Variants in SV2B observed in about 807,000 individuals in gnomAD.
SV2B encodes the protein synaptic vesicle glycoprotein 2B.
Under a neutral mutation model 73.9 loss-of-function variants are expected in SV2B, and 41 were observed. That is an observed-to-expected ratio of 0.56 (90% CI 0.43 to 0.72). The LOEUF (loss-of-function observed/expected upper bound fraction) is 0.72. Ranked by LOEUF, SV2B falls within the 30% of genes least tolerant of loss-of-function variation. The pLI, the probability that SV2B is intolerant of heterozygous loss-of-function variation, is 0.00. For missense variants in SV2B, 764 were observed against 857.8 expected (o/e 0.89, Z 1.37); for synonymous variants, 314 against 314.2 (o/e 1.00, Z 0.01).
At chr15:91,174,942 A>G (rs917541477) in intron 1 of SV2B, among the ~76,000 whole-genome samples, 2 of 152,162 alleles carry the variant, frequency 1.3e-5, no homozygotes, top group Non-Finnish European at 2.9e-5. Context: ...CATAGAAGAG[A>G]TGCCAAGGGG....
rs1471635342 is a variant in SV2B at position 91,100,585 on chromosome 15, G to A, written c.-392+222G>A. ...CCTGGAGCTGTGCGCTTCTTTGAAA[G>A]CGGCCTCCCCAAGGGCTGTTTTAAA... is the stretch of plus-strand genomic sequence containing the variant. On this transcript the variant is annotated intron_variant, in intron 1 of 12. Coordinates refer to ENST00000394232, the MANE Select transcript of SV2B (RefSeq NM_001323032.3). The surrounding 1 kb of genome is among the most constrained non-coding windows in gnomAD (Gnocchi z 6.4). Among the ~76,000 whole-genome samples, 3 of 152,258 alleles carry A rather than the reference G, an allele frequency of 2.0e-5. No homozygotes were observed. The highest frequency in any genetic ancestry group is 2.0e-4 in the Admixed American group (3 of 15,290).
chr15:91,230,470 G>C (rs2046534628), intron 2 of SV2B, among the ~76,000 whole-genome samples: 1 of 152,084 alleles, frequency 6.6e-6, no homozygotes, highest in African/African-American at 2.4e-5. Context: ...AAAAATATCT[G>C]GGTGCTGCTG....
Position 91,268,560 on chromosome 15 carries a change from C to G in SV2B, c.1328C>G (p.Thr443Arg). The change falls in exon 9 of 13, where the codon ACG becomes AGG. Residue 443 changes from threonine to arginine, a missense_variant. By Grantham distance (71) the Thr-to-Arg change is moderately conservative (BLOSUM62 -1). Coordinates refer to ENST00000394232, the MANE Select transcript of SV2B (RefSeq NM_001323032.3). This position sits in a 1 kb window ranked among gnomAD's most constrained non-coding sequence, Gnocchi z 4.4. ...GTGTACGGCGCCACAATCAACTTCA[C>G]GATGGAAAATCAGATCCACCAACAT... ...EHVYGATINF[T>R]MENQIHQHGK... 6.2e-7 allele frequency: 1 copy of G among 1,613,602 alleles called. No individual in the cohort carries two copies. The highest frequency in any genetic ancestry group is 8.5e-7 in the Non-Finnish European group (1 of 1,179,606).
intron 1 of SV2B, among the ~76,000 whole-genome samples, chr15:91,213,889 G>A (rs1307095865): frequency 3.9e-5 from 6 of 152,164 alleles, no homozygotes; most frequent in Non-Finnish European, 5.9e-5. Flanking sequence ...CAAGGAAGTG[G>A]TAGAGCTGTG....
chr15:91,298,651 C>T lies in SV2B; in HGVS notation c.*6099C>T, dbSNP rs1463304545. On this transcript the variant is annotated 3_prime_UTR_variant, in exon 13 of 13. Transcript: ENST00000394232. The surrounding 1 kb of genome is among the most constrained non-coding windows in gnomAD (Gnocchi z 5.4). ...GGAGCACAAGGATTTACTGTCATTT[C>T]ACCTGAAAACACACATTTAGCTGTC... 2 of 152,204 alleles carry T rather than the reference C, an allele frequency of 1.3e-5. No homozygotes were observed. Among genetic ancestry groups the T allele is most frequent in the Admixed American group, 1.3e-4 (2 of 15,276 alleles). 9.4% of individuals were successfully genotyped at this position (152,204 alleles called of 1,614,324 possible).
intron 1 of SV2B, among the ~76,000 whole-genome samples, chr15:91,165,377 G>C (rs990524336): frequency 6.6e-6 from 1 of 152,120 alleles, no homozygotes; most frequent in South Asian, 2.1e-4. Flanking sequence ...AGTATTGAAC[G>C]TGTACAGGCT....
intron 9 of SV2B, among the ~76,000 whole-genome samples, chr15:91,277,774 T>C (rs1448418116): frequency 3.3e-5 from 5 of 152,250 alleles, no homozygotes; most frequent in Admixed American, 3.3e-4. Flanking sequence ...AGGATGTTTC[T>C]AACTATATTT....
intron 1 of SV2B, among the ~76,000 whole-genome samples, chr15:91,157,403 C>A (rs760516027): frequency 6.6e-6 from 1 of 152,138 alleles, no homozygotes. Flanking sequence ...CTCTACCTGC[C>A]CATCCCCCAC....
rs374404114 is a variant in SV2B, at chr15:91,268,814, A to T, written c.1373+209A>T. ...GTTGTGCTGGCTCCCCGACACCCTA[A>T]TCTCCTGGTGAGAGCTATTTCATGT... On this transcript the variant is annotated intron_variant, in intron 9 of 12. Transcript: ENST00000394232. This position sits in a 1 kb window ranked among gnomAD's most constrained non-coding sequence, Gnocchi z 4.4. Among the ~76,000 whole-genome samples the T allele has an allele frequency of 1.3e-5, 2 of 152,120 alleles. No individual in the cohort carries two copies. The highest frequency in any genetic ancestry group is 2.1e-4 in the South Asian group (1 of 4,818).
intron 1 of SV2B, among the ~76,000 whole-genome samples, chr15:91,138,892 A>T (rs2042921602): frequency 1.3e-5 from 2 of 152,330 alleles, no homozygotes; most frequent in South Asian, 4.1e-4. Context: ...AATAAAAAAG[A>T]GATAGCTTGG....
chr15:91,103,065 T>G (rs2041781068), intron 1 of SV2B, among the ~76,000 whole-genome samples: 1 of 152,210 alleles, frequency 6.6e-6, no homozygotes, highest in Non-Finnish European at 1.5e-5. Context: ...CTCTTAGGAT[T>G]CCTATTTGTC....
At chr15:91,145,983 T>C (rs934069080) in intron 1 of SV2B, among the ~76,000 whole-genome samples, 5 of 152,246 alleles carry the variant, frequency 3.3e-5, no homozygotes, top group African/African-American at 4.8e-5. Flanking sequence ...GCTCTTTAGT[T>C]TAATAGGTGC....
intron 2 of SV2B, 93 bp downstream of exon 2, chr15:91,226,807 C>A: frequency 7.1e-7 from 1 of 1,408,352 alleles, no homozygotes; most frequent in Non-Finnish European, 9.5e-7. Context: ...TTAAATATAT[C>A]ACAATGTACC....
At chr15:91,107,602 T>C (rs1229780231) in intron 1 of SV2B, among the ~76,000 whole-genome samples, 1 of 151,818 alleles carries the variant, frequency 6.6e-6, no homozygotes, top group Non-Finnish European at 1.5e-5. Flanking sequence ...TGAGCCACCG[T>C]GCCCGCTAAC....
intron 1 of SV2B, among the ~76,000 whole-genome samples, chr15:91,199,033 T>C (rs2045363932): frequency 6.6e-6 from 1 of 152,182 alleles, no homozygotes; most frequent in Non-Finnish European, 1.5e-5. Context: ...ATTTATTTTT[T>C]AGAGATGGGG....
intron 2 of SV2B, among the ~76,000 whole-genome samples, chr15:91,244,191 C>A (rs2047135320): frequency 6.6e-6 from 1 of 152,194 alleles, no homozygotes; most frequent in Admixed American, 6.5e-5. Context: ...CCATTAATAC[C>A]TCCCTCACCA....
At chr15:91,262,327 T>C (rs1040356935) in intron 6 of SV2B, among the ~76,000 whole-genome samples, 6 of 152,236 alleles carry the variant, frequency 3.9e-5, no homozygotes, top group African/African-American at 1.4e-4. Flanking sequence ...TTAACCATTA[T>C]TTAAATTATT....
At chr15:91,113,618 GAA>G (rs1244341572) in intron 1 of SV2B, among the ~76,000 whole-genome samples, 1 of 152,170 alleles carries the variant, frequency 6.6e-6, no homozygotes, top group Non-Finnish European at 1.5e-5. Flanking sequence ...TTCCCGCGAT[GAA>G]TATACCAGGA....
rs907002368 is a variant in SV2B at position 91,181,125 on chromosome 15, G to A, written c.-391-44748G>A. ...TTCCTTCTAACAGACAGGACCCTCAGCTGCAGGTCTGTTGGAGTTTGCCAG... is the reference window on the plus strand; with the variant it reads ...TTCCTTCTAACAGACAGGACCCTCAACTGCAGGTCTGTTGGAGTTTGCCAG... On this transcript the variant is annotated intron_variant, in intron 1 of 12. Coordinates refer to ENST00000394232, the MANE Select transcript of SV2B (RefSeq NM_001323032.3). Among the ~76,000 whole-genome samples the A allele has an allele frequency of 5.3e-5, 8 of 152,228 alleles. 1 individual carries two copies. Among genetic ancestry groups the A allele is most frequent in the Non-Finnish European group, 1.0e-4 (7 of 68,042 alleles).
Sources: gnomAD v4.1 joint callset for allele counts (sites outside exome capture counted in the v4.1 genomes callset) on GRCh38, gnomAD v4.1.1 for gene constraint, Gnocchi (gnomAD v3.1) non-coding constraint, MANE v1.5 for transcripts, NCBI Gene and HGNC (gene_info 2026-07-23, HGNC 2026-07-21) for gene names.